Variants in GABRA5 observed in about 807,000 individuals in gnomAD.
GABRA5 encodes the protein gamma-aminobutyric acid receptor subunit alpha-5.
GABRA5 carries 18 observed loss-of-function variants against 47.3 expected under a neutral mutation model. The ratio of observed to expected loss-of-function variants is 0.38; its 90% CI spans 0.26 to 0.56. GABRA5 has a LOEUF of 0.56. Ranked by LOEUF, GABRA5 falls within the 20% of genes least tolerant of loss-of-function variation. The pLI, the probability that GABRA5 is intolerant of heterozygous loss-of-function variation, is 0.71. For missense variants in GABRA5, 365 were observed against 599.3 expected (o/e 0.61, Z 4.08); for synonymous variants, 237 against 229.3 (o/e 1.03, Z -0.30).
chr15:26,876,793 A>G (rs1746782971), intron 3 of GABRA5, among the ~76,000 whole-genome samples: 1 of 152,274 alleles, frequency 6.6e-6, no homozygotes, highest in East Asian at 1.9e-4. Flanking sequence ...ATTAGAGCGG[A>G]TGTGCTTGCT....
chr15:26,892,472 C>T (rs1234869167), intron 6 of GABRA5, among the ~76,000 whole-genome samples: 1 of 152,054 alleles, frequency 6.6e-6, no homozygotes, highest in African/African-American at 2.4e-5. Flanking sequence ...ACATGACCTG[C>T]GAGTCCGCGG....
chr15:26,906,216 G>T (rs1379631991), intron 6 of GABRA5, among the ~76,000 whole-genome samples: 1 of 151,600 alleles, frequency 6.6e-6, no homozygotes, highest in Non-Finnish European at 1.5e-5. Flanking sequence ...TGTATTGTTT[G>T]TTCTACAGGG....
intron 6 of GABRA5, among the ~76,000 whole-genome samples, chr15:26,903,027 G>A (rs539021353): frequency 6.6e-6 from 1 of 152,216 alleles, no homozygotes; most frequent in South Asian, 2.1e-4. Flanking sequence ...CTGTGTCACA[G>A]TGGTTTGTTT....
intron 6 of GABRA5, among the ~76,000 whole-genome samples, chr15:26,907,925 C>T (rs967740274): frequency 2.9e-4 from 44 of 152,150 alleles, no homozygotes; most frequent in Non-Finnish European, 8.8e-5. Flanking sequence ...CAAATACATC[C>T]GTGCATTCTT....
At position 26,885,661 on chromosome 15, in the gene GABRA5, G is replaced by C. The variant is rs77611075; in HGVS notation, c.497+2104G>C. ...CCTTGGACATTACCTTGTTGATTTA[G>C]AGAGGTTGTTGAAAACCTGAGAAAT... On this transcript the variant is annotated intron_variant, in intron 6 of 10. Transcript: ENST00000335625. Among the ~76,000 whole-genome samples the C allele has an allele frequency of 1.7e-3, 264 of 152,330 alleles. 4 individuals are homozygous for C. The East Asian group carries it at 0.019, about 11-fold the overall frequency.
At chr15:26,922,130 T>C (rs1275344402) in intron 7 of GABRA5, among the ~76,000 whole-genome samples, 1 of 152,194 alleles carries the variant, frequency 6.6e-6, no homozygotes, top group Non-Finnish European at 1.5e-5. Context: ...TGACTTCACC[T>C]CTATCCTTGA....
At chr15:26,874,186 A>G (rs937532957) in intron 3 of GABRA5, among the ~76,000 whole-genome samples, 1 of 152,216 alleles carries the variant, frequency 6.6e-6, no homozygotes, top group African/African-American at 2.4e-5. Flanking sequence ...TTCAGAGGAA[A>G]GTACTAGAAG....
chr15:26,883,311 C>G lies in GABRA5; in HGVS notation c.277-26C>G. 6.2e-7 allele frequency: 1 copy of G among 1,612,934 alleles called. No homozygotes were observed. The highest frequency in any genetic ancestry group is 1.1e-5 in the South Asian group (1 of 91,062). ...CCCGCCCAGGCCCCGTGCCCTCTGA[C>G]TGCCTCGTGCCTTCCTTTCCACTAG... On this transcript the variant is annotated intron_variant, in intron 5 of 10. Transcript: ENST00000335625. This position sits in a 1 kb window ranked among gnomAD's most constrained non-coding sequence, Gnocchi z 4.8.
rs748940673 is a variant in GABRA5, at chr15:26,943,202, C to A, written c.878-13C>A. The A allele has an allele frequency of 6.5e-7, 1 of 1,547,020 alleles. No homozygotes were observed. Among genetic ancestry groups the A allele is most frequent in the Non-Finnish European group, 8.7e-7 (1 of 1,145,642 alleles). ...GTTTCCGTTTTTCACTCTGCCCTGC[C>A]TGACCCCCGCAGGGGTCACCACGGT... On this transcript the variant is annotated splice_polypyrimidine_tract_variant and intron_variant, in intron 9 of 10. Transcript: ENST00000335625.
At chr15:26,937,600 C>G (rs1393417049) in intron 8 of GABRA5, among the ~76,000 whole-genome samples, 2 of 152,194 alleles carry the variant, frequency 1.3e-5, no homozygotes, top group Admixed American at 6.5e-5. Flanking sequence ...TATAACACCC[C>G]CCTAAGCAGG....
intron 3 of GABRA5, 103 bp downstream of exon 3, chr15:26,869,437 AC>A (rs1892408888): frequency 4.0e-6 from 3 of 749,098 alleles, no homozygotes; most frequent in Non-Finnish European, 7.3e-6. Context: ...CTCGCCTGCC[AC>A]CATTGCAGTC....
At chr15:26,873,135 T>C (rs559228196) in intron 3 of GABRA5, among the ~76,000 whole-genome samples, 58 of 152,236 alleles carry the variant, frequency 3.8e-4, no homozygotes, top group Non-Finnish European at 7.6e-4. Context: ...ATATTTATTT[T>C]AGTAAGACCA....
At chr15:26,945,616 G>A (rs920340603) in intron 10 of GABRA5, among the ~76,000 whole-genome samples, 2 of 152,184 alleles carry the variant, frequency 1.3e-5, no homozygotes, top group Admixed American at 6.5e-5. Context: ...CCCACCAGAT[G>A]TGTCTGATTT....
intron 6 of GABRA5, among the ~76,000 whole-genome samples, chr15:26,913,357 A>G (rs1893644992): frequency 6.6e-6 from 1 of 152,154 alleles, no homozygotes; most frequent in South Asian, 2.1e-4. Flanking sequence ...CCTCCCTTCC[A>G]CTGACATGTA....
At chr15:26,888,768 C>G (rs115707586) in intron 6 of GABRA5, among the ~76,000 whole-genome samples, 1 of 152,226 alleles carries the variant, frequency 6.6e-6, no homozygotes, top group African/African-American at 2.4e-5. Context: ...TCTTCCCACA[C>G]CTTCTAAAAG....
chr15:26,869,787 A>G (rs774162696), intron 3 of GABRA5, among the ~76,000 whole-genome samples: 21 of 152,252 alleles, frequency 1.4e-4, no homozygotes, highest in African/African-American at 3.1e-4. Flanking sequence ...AGGACTCACA[A>G]TGGTCCTGGC....
intron 7 of GABRA5, among the ~76,000 whole-genome samples, chr15:26,921,941 C>G (rs207475327): frequency 6.6e-6 from 1 of 152,044 alleles, no homozygotes; most frequent in Non-Finnish European, 1.5e-5. Context: ...TTAATTCCAC[C>G]ATATCCAGAG....
intron 7 of GABRA5, among the ~76,000 whole-genome samples, chr15:26,935,839 T>G (rs2140577715): frequency 6.6e-6 from 1 of 152,314 alleles, no homozygotes; most frequent in South Asian, 2.1e-4. Context: ...ATTGAGTTGT[T>G]AGCTCCTCAT....
At chr15:26,941,492 C>T (rs1894383428) in intron 9 of GABRA5, among the ~76,000 whole-genome samples, 1 of 152,066 alleles carries the variant, frequency 6.6e-6, no homozygotes, top group African/African-American at 2.4e-5. Flanking sequence ...TGATTTCATG[C>T]AGGGAATGAC....
Sources: allele counts gnomAD v4.1 joint callset (sites outside exome capture counted in the v4.1 genomes callset), GRCh38; gene constraint gnomAD v4.1.1; non-coding constraint Gnocchi (gnomAD v3.1); transcripts MANE v1.5; gene names NCBI Gene and HGNC (gene_info 2026-07-23, HGNC 2026-07-21).